Variants in TENM2 observed in about 807,000 individuals in gnomAD.
TENM2 encodes teneurin-2.
In TENM2, 52 loss-of-function variants were observed where a neutral mutation model predicts 245.2. The ratio of observed to expected loss-of-function variants is 0.21; its 90% CI spans 0.17 to 0.27. TENM2 has a LOEUF of 0.27. Ranked by LOEUF, TENM2 falls within the 10% of genes least tolerant of loss-of-function variation. The pLI is 1.00. For missense variants in TENM2, 3,046 were observed against 3,666.8 expected (o/e 0.83, Z 4.37); for synonymous variants, 1,363 against 1,438.9 (o/e 0.95, Z 1.19).
At chr5:167,431,004 A>G (rs1239791141) in intron 2 of TENM2, among the ~76,000 whole-genome samples, 1 of 152,204 alleles carries the variant, frequency 6.6e-6, no homozygotes, top group Non-Finnish European at 1.5e-5. Flanking sequence ...CGAAATATCT[A>G]GTTGAATGGC....
intron 3 of TENM2, among the ~76,000 whole-genome samples, chr5:167,884,741 A>G (rs1774151954): frequency 6.6e-6 from 1 of 152,220 alleles, no homozygotes; most frequent in South Asian, 2.1e-4. Flanking sequence ...TTGTTTGAGC[A>G]CTTGCTTTGA....
chr5:168,050,012 A>G (rs918303572), intron 6 of TENM2, among the ~76,000 whole-genome samples: 4 of 152,120 alleles, frequency 2.6e-5, no homozygotes, highest in African/African-American at 9.7e-5. Context: ...CATGTTGCCC[A>G]GGCTGGTTGC....
At chr5:167,535,032 A>G (rs1771758980) in intron 2 of TENM2, among the ~76,000 whole-genome samples, 1 of 152,002 alleles carries the variant, frequency 6.6e-6, no homozygotes, top group South Asian at 2.1e-4. Context: ...ATAGTTGTCT[A>G]TTTTCTTTTC....
At chr5:168,201,035 G>A (rs1761892248) in intron 17 of TENM2, among the ~76,000 whole-genome samples, 2 of 151,906 alleles carry the variant, frequency 1.3e-5, no homozygotes, top group Non-Finnish European at 2.9e-5. Context: ...ATCTTTTGTT[G>A]GGTAACCTCT....
intron 1 of TENM2, among the ~76,000 whole-genome samples, chr5:167,314,511 T>C (rs1312814238): frequency 6.6e-6 from 1 of 152,154 alleles, no homozygotes; most frequent in Admixed American, 6.5e-5. Context: ...AATTAAAATC[T>C]TGAATTTGGA....
chr5:167,692,345 T>A (rs1757487723), intron 2 of TENM2, among the ~76,000 whole-genome samples: 3 of 152,200 alleles, frequency 2.0e-5, no homozygotes, highest in Admixed American at 2.0e-4. Context: ...TGTGCACTAC[T>A]GTCACCTGAG....
the TENM2 span, among the ~76,000 whole-genome samples, chr5:167,268,927 T>TAGATAGATAGAC: frequency 8.2e-5 from 11 of 134,490 alleles, no homozygotes; most frequent in African/African-American, 2.5e-4. Flanking sequence ...GATAGATAGA[T>TAGATAGATAGAC]AGACAGACAT....
At chr5:167,424,178 G>A (rs1243151798) in intron 2 of TENM2, among the ~76,000 whole-genome samples, 3 of 150,548 alleles carry the variant, frequency 2.0e-5, no homozygotes, top group Admixed American at 6.7e-5. Context: ...CCCACCTGAC[G>A]TCCTTCAAGG....
intron 2 of TENM2, among the ~76,000 whole-genome samples, chr5:167,378,996 A>G (rs1226196784): frequency 6.6e-6 from 1 of 152,136 alleles, no homozygotes; most frequent in Non-Finnish European, 1.5e-5. Flanking sequence ...TAGAAATGGC[A>G]GTAAGTGAAA....
At chr5:167,283,594 T>C (rs1040896176), upstream of TENM2, among the ~76,000 whole-genome samples, 1 of 152,194 alleles carries the variant, frequency 6.6e-6, no homozygotes, top group South Asian at 2.1e-4. Flanking sequence ...TTCAAAACTA[T>C]AGATCTGCTC....
At chr5:167,142,362 C>T in the TENM2 span, among the ~76,000 whole-genome samples, 1 of 151,992 alleles carries the variant, frequency 6.6e-6, no homozygotes, top group Non-Finnish European at 1.5e-5. Context: ...ATTTGTGCTT[C>T]CAAGTCATTG....
At chr5:167,244,075 A>T in the TENM2 span, among the ~76,000 whole-genome samples, 2 of 152,090 alleles carry the variant, frequency 1.3e-5, no homozygotes, top group Non-Finnish European at 2.9e-5. Context: ...TTTTAATCTA[A>T]ATCTGTTCTA....
At chr5:167,718,928 C>T (rs1017444823) in intron 2 of TENM2, among the ~76,000 whole-genome samples, 1 of 152,096 alleles carries the variant, frequency 6.6e-6, no homozygotes, top group East Asian at 1.9e-4. Flanking sequence ...ATATATAAAG[C>T]ACTGAGCATA....
chr5:167,233,116 GGAGATCATTACTAT>G, the TENM2 span, among the ~76,000 whole-genome samples: 1 of 152,170 alleles, frequency 6.6e-6, no homozygotes, highest in Non-Finnish European at 1.5e-5. Context: ...TTTCGTGGAG[GGAGATCATTACTAT>G]GAGCTCTGGG....
At chr5:167,663,809 C>T (rs967454010) in intron 2 of TENM2, among the ~76,000 whole-genome samples, 2 of 152,012 alleles carry the variant, frequency 1.3e-5, no homozygotes, top group African/African-American at 4.8e-5. Flanking sequence ...TTTTCTATTT[C>T]ATGATTTTAT....
exon 14 of TENM2, chr5:168,190,536 T>A: frequency 6.2e-7 from 1 of 1,613,808 alleles, no homozygotes; most frequent in Non-Finnish European, 8.5e-7. Context: ...GAGAGAACCC[T>A]TTCAACAGCA....
At chr5:167,403,775 T>C (rs966171779) in intron 2 of TENM2, among the ~76,000 whole-genome samples, 1 of 152,116 alleles carries the variant, frequency 6.6e-6, no homozygotes, top group East Asian at 1.9e-4. Context: ...GAAGGCATTA[T>C]AAAGATGTAC....
chr5:167,460,555 G>A (rs2127491819), intron 2 of TENM2, among the ~76,000 whole-genome samples: 1 of 151,908 alleles, frequency 6.6e-6, no homozygotes, highest in Non-Finnish European at 1.5e-5. Flanking sequence ...ACATAGAGAT[G>A]ATGACCCTGA....
rs1260736700 is a variant in TENM2, at chr5:168,244,456, C to A, written c.5557C>A (p.Arg1853=). 1 of 1,576,844 alleles carries A rather than the reference C, an allele frequency of 6.3e-7. No individual in the cohort carries two copies. Among genetic ancestry groups the A allele is most frequent in the Non-Finnish European group, 8.7e-7 (1 of 1,155,234 alleles). Residue 1853 remains arginine (R), a synonymous_variant, in exon 26 of 29, where the codon CGA becomes AGA. Coordinates refer to ENST00000518659, the Ensembl canonical transcript of TENM2. The surrounding 1 kb of genome is among the most constrained non-coding windows in gnomAD (Gnocchi z 4.9). ...AAATCTCTTGTCCATTGACTATGAT[C>A]GAAATATTCGGACTGAAAAGATCTA...
Sources: allele counts gnomAD v4.1 joint callset (sites outside exome capture counted in the v4.1 genomes callset), GRCh38; gene constraint gnomAD v4.1.1; non-coding constraint Gnocchi (gnomAD v3.1); transcripts MANE v1.5; gene names NCBI Gene and HGNC (gene_info 2026-07-23, HGNC 2026-07-21).